Variants in SYCP2 observed in about 807,000 individuals in gnomAD.
SYCP2 encodes synaptonemal complex lateral element protein.
In SYCP2, 55 loss-of-function variants were observed where a neutral mutation model predicts 211.3. That is an observed-to-expected ratio of 0.26 (90% CI 0.21 to 0.33). The LOEUF (loss-of-function observed/expected upper bound fraction) is 0.33, where lower values mean the gene tolerates loss of function less well. Ranked by LOEUF, SYCP2 falls within the 10% of genes least tolerant of loss-of-function variation. SYCP2 has a pLI of 1.00. For synonymous variants in SYCP2, 570 were observed against 555.2 expected, an observed-to-expected ratio of 1.03 and a Z score of -0.37; for missense variants, 1,731 against 1,752.0, an observed-to-expected ratio of 0.99 and a Z score of 0.21.
chr20:59,886,442 A>T (rs1342641102), intron 25 of SYCP2, among the ~76,000 whole-genome samples: 1 of 152,054 alleles, frequency 6.6e-6, no homozygotes, highest in Non-Finnish European at 1.5e-5. Context: ...TCTACATCCT[A>T]AAGATTTTTA....
At chr20:59,879,818 AATAAATATATATAT>A (rs199723109) in intron 31 of SYCP2, among the ~76,000 whole-genome samples, 24,949 of 125,300 alleles carry the variant, frequency 0.2, 2,551 homozygotes, top group South Asian at 0.3. Context: ...AGTAAATATA[AATAAATATATATAT>A]ATATATATAT....
At position 59,866,510 on chromosome 20, in the gene SYCP2, T is replaced by C. The variant is rs750401524; in HGVS notation, c.4205A>G (p.Gln1402Arg). Reference protein sequence around the residue: ...AQQHLRTMNHQSQDSRIKKLD... With the variant: ...AQQHLRTMNHRSQDSRIKKLD... ...TATTACAGACCTAGAGTCCTGACTT[T>C]GATGATTCATTGTTCTCAGATGTTG... Residue 1402 changes from glutamine to arginine, a missense_variant, in exon 40 of 45, where the codon CAA becomes CGA. Coordinates refer to ENST00000357552, the MANE Select transcript of SYCP2 (RefSeq NM_014258.4). The C allele has an allele frequency of 3.7e-6, 6 of 1,608,664 alleles. No individual in the cohort carries two copies. The highest frequency in any genetic ancestry group is 4.2e-6 in the Non-Finnish European group (5 of 1,177,808).
intron 35 of SYCP2, among the ~76,000 whole-genome samples, chr20:59,871,532 T>C (rs1226433028): frequency 1.3e-5 from 2 of 151,746 alleles, no homozygotes; most frequent in Non-Finnish European, 2.9e-5. Context: ...TCAAAGATGG[T>C]GGGTGGGGAT....
At chr20:59,918,986 A>C (rs2060491473) in intron 7 of SYCP2, among the ~76,000 whole-genome samples, 172 bp downstream of exon 7, 1 of 151,966 alleles carries the variant, frequency 6.6e-6, no homozygotes, top group Non-Finnish European at 1.5e-5. Flanking sequence ...TTTCTCTTGG[A>C]CTACAAAGTC....
In SYCP2 at chr20:59,911,820, A is replaced by C; in HGVS notation, c.902T>G (p.Leu301Arg). The C allele has an allele frequency of 6.3e-7, 1 of 1,583,128 alleles. No homozygotes were observed. Among genetic ancestry groups the C allele is most frequent in the Non-Finnish European group, 8.6e-7 (1 of 1,160,500 alleles). ...YELQIPSDEK[L>R]EEFWIDFNLG... The stretch of plus-strand genomic sequence containing the variant: ...ATTAAAATCAATCCAAAATTCCTCA[A>C]GTTTTTCATCTGATGGTATTTGCAG... The change falls in exon 14 of 45, where the codon CTT becomes CGT. Residue 301 changes from leucine to arginine, a missense_variant. Leu to Arg is a moderately radical substitution (Grantham distance 102). Coordinates refer to ENST00000357552, the MANE Select transcript of SYCP2 (RefSeq NM_014258.4).
At chr20:59,895,286 C>G (rs1465666016) in intron 20 of SYCP2, 151 bp downstream of exon 20, 1 of 586,786 alleles carries the variant, frequency 1.7e-6, no homozygotes, top group Non-Finnish European at 2.8e-6. Context: ...CCAGAAGGAC[C>G]CTACTTTCAA....
chr20:59,875,736 T>C (rs1239885741), intron 33 of SYCP2, among the ~76,000 whole-genome samples: 1 of 152,146 alleles, frequency 6.6e-6, no homozygotes, highest in Non-Finnish European at 1.5e-5. Flanking sequence ...ATATCCAGTT[T>C]AGGAAAATTA....
intron 12 of SYCP2, among the ~76,000 whole-genome samples, chr20:59,913,215 A>G (rs948033502): frequency 6.6e-6 from 1 of 152,340 alleles, no homozygotes; most frequent in East Asian, 1.9e-4. Flanking sequence ...TTTAATCTAT[A>G]TCACAAACAT....
chr20:59,891,995 T>C lies in SYCP2; in HGVS notation c.2359A>G (p.Lys787Glu), dbSNP rs915488424. The C allele has an allele frequency of 1.9e-6, 3 of 1,579,708 alleles. No individual in the cohort carries two copies. In the African/African-American group the frequency reaches 4.1e-5, roughly 22 times the overall value. Residue 787 changes from lysine to glutamate, a missense_variant, in exon 24 of 45, where the codon AAA (lysine) becomes GAA (glutamate). Transcript: ENST00000357552. The stretch of plus-strand genomic sequence containing the variant: ...AAAACACATTGAAAGCTCACCATTT[T>C]TTTTTGTTTCGAATCCCAGGAATTA... ...ELNSWDSKQK[K>E]MREKSKGKEF...
At chr20:59,921,904 C>T (rs959489759) in intron 3 of SYCP2, among the ~76,000 whole-genome samples, 2 of 151,468 alleles carry the variant, frequency 1.3e-5, no homozygotes, top group East Asian at 3.8e-4. Context: ...ATAAATTAAG[C>T]ATTACCATTA....
intron 12 of SYCP2, 99 bp from the exon 13 acceptor site, chr20:59,912,517 C>A: frequency 2.1e-6 from 1 of 482,368 alleles, no homozygotes. Context: ...GGAAATCAGG[C>A]AGTGGTCATA....
chr20:59,872,630 T>C (rs1282021839), intron 35 of SYCP2, among the ~76,000 whole-genome samples: 1 of 150,980 alleles, frequency 6.6e-6, no homozygotes, highest in Non-Finnish European at 1.5e-5. Flanking sequence ...CAGGCATCTA[T>C]TGGGGGGGTC....
intron 28 of SYCP2, 44 bp downstream of exon 28, chr20:59,881,901 G>GT: frequency 6.7e-7 from 1 of 1,492,740 alleles, no homozygotes; most frequent in African/African-American, 1.4e-5. Flanking sequence ...TAAATGCAAT[G>GT]TAACTTCTGA....
intron 15 of SYCP2, among the ~76,000 whole-genome samples, chr20:59,902,846 A>T (rs929330700): frequency 6.6e-6 from 1 of 152,146 alleles, no homozygotes; most frequent in Admixed American, 6.5e-5. Flanking sequence ...AACAGTGACA[A>T]GTTTTCAGGT....
chr20:59,924,609 TAA>T (rs981376830), intron 2 of SYCP2, among the ~76,000 whole-genome samples: 1 of 151,822 alleles, frequency 6.6e-6, no homozygotes, highest in African/African-American at 2.4e-5. Flanking sequence ...CCACAAAAAT[TAA>T]AAAGAAAAAA....
At chr20:59,900,719 A>C (rs1414305496) in intron 17 of SYCP2, 25 bp downstream of exon 17, 1 of 1,598,968 alleles carries the variant, frequency 6.3e-7, no homozygotes, top group Admixed American at 1.7e-5. Context: ...CCCAGTGATA[A>C]AAATCAAGTA....
intron 13 of SYCP2, chr20:59,912,105 G>A: frequency 2.4e-6 from 1 of 415,896 alleles, no homozygotes. Context: ...AGTTTGAATA[G>A]ATTCATACAT....
At chr20:59,898,555 C>A (rs1262906655) in intron 18 of SYCP2, among the ~76,000 whole-genome samples, 2 of 152,022 alleles carry the variant, frequency 1.3e-5, no homozygotes, top group Non-Finnish European at 2.9e-5. Flanking sequence ...ACACTGGGAC[C>A]TGTTGCGGGG....
chr20:59,910,145 A>G (rs2060288258), intron 14 of SYCP2, among the ~76,000 whole-genome samples: 1 of 152,162 alleles, frequency 6.6e-6, no homozygotes, highest in African/African-American at 2.4e-5. Flanking sequence ...AGACAGAAGA[A>G]GGATTCAAGG....
Sources: allele counts gnomAD v4.1 joint callset (sites outside exome capture counted in the v4.1 genomes callset), GRCh38; gene constraint gnomAD v4.1.1; transcripts MANE v1.5; gene names NCBI Gene and HGNC (gene_info 2026-07-23, HGNC 2026-07-21).